FAM171A1: variants seen among roughly 807,000 people sequenced by gnomAD.
FAM171A1 encodes family with sequence similarity 171 member A1, also known as protein FAM171A1.
In FAM171A1, 23 loss-of-function variants were observed where a neutral mutation model predicts 74.9. The observed-to-expected ratio is 0.31, with a 90% CI of 0.22 to 0.44. FAM171A1 has a LOEUF of 0.44. Ranked by LOEUF, FAM171A1 falls within the 20% of genes least tolerant of loss-of-function variation. The probability of loss-of-function intolerance (pLI) is 1.00; values close to 1 mark genes in which losing one functional copy is unlikely to be tolerated. For missense variants in FAM171A1, 1,162 were observed against 1,159.2 expected (o/e 1.00, Z -0.03); for synonymous variants, 527 against 505.7 (o/e 1.04, Z -0.57).
rs540797837 is a variant in FAM171A1 at position 15,332,835 on chromosome 10, G to A, written c.97+38121C>T. Reference sequence around the variant, plus strand: ...TTCAGTGAATCTGTCTGAGAATGGCGAGGAAGGAAGAGCTCGGAATCCCTG... The same window carrying A: ...TTCAGTGAATCTGTCTGAGAATGGCAAGGAAGGAAGAGCTCGGAATCCCTG... On this transcript the variant is annotated intron_variant, in intron 1 of 7. Coordinates refer to ENST00000378116, the MANE Select transcript of FAM171A1 (RefSeq NM_001010924.2). Among the ~76,000 whole-genome samples the A allele has an allele frequency of 5.3e-5, 8 of 152,240 alleles. No homozygotes were observed. In the South Asian group the frequency reaches 1.2e-3, roughly 24 times the overall value.
chr10:15,321,351 C>T (rs569548685), intron 1 of FAM171A1, among the ~76,000 whole-genome samples: 4 of 152,274 alleles, frequency 2.6e-5, no homozygotes, highest in Middle Eastern at 3.4e-3. Context: ...GCTGTGTTCT[C>T]GTGTGGGCTG....
rs544877532 is a variant in FAM171A1 at position 15,362,912 on chromosome 10, T to C, written c.97+8044A>G. On this transcript the variant is annotated intron_variant, in intron 1 of 7. Transcript: ENST00000378116. ...TATTTTCCAATAGGATTGTAAACTT[T>C]CCGAGGTGAGAATTGCAAAATAATC... Among the ~76,000 whole-genome samples the C allele has an allele frequency of 2.6e-5, 4 of 152,340 alleles. No homozygotes were observed. In the East Asian group the frequency reaches 7.7e-4, roughly 29 times the overall value.
At chr10:15,320,200 A>T (rs1011570296) in intron 1 of FAM171A1, among the ~76,000 whole-genome samples, 2 of 152,080 alleles carry the variant, frequency 1.3e-5, no homozygotes, top group Non-Finnish European at 2.9e-5. Context: ...TTTAGCTCCC[A>T]CTTATAAGTG....
intron 5 of FAM171A1, 120 bp from the exon 6 acceptor site, chr10:15,221,180 C>T: frequency 1.4e-6 from 1 of 733,488 alleles, no homozygotes; most frequent in East Asian, 3.1e-5. Context: ...TATAAGATAA[C>T]CAAGATGGCC....
Position 15,213,826 on chromosome 10 carries a change from T to C in FAM171A1, c.1762A>G (p.Met588Val). Residue 588 changes from methionine to valine, a missense_variant, in exon 8 of 8, where the codon ATG becomes GTG. Met to Val is a conservative substitution (Grantham distance 21). Transcript: ENST00000378116. The surrounding 1 kb of genome is among the most constrained non-coding windows in gnomAD (Gnocchi z 6.8). ...LPALVIPAHYMKLPGDHSYVS... is the reference protein window; with the variant it reads ...LPALVIPAHYVKLPGDHSYVS... ...TAGGAGTGGTCCCCGGGGAGTTTCA[T>C]ATAATGAGCCGGGATGACCAAGGCA... 1.2e-6 allele frequency: 2 copies of C among 1,614,110 alleles called. No individual in the cohort carries two copies. The highest frequency in any genetic ancestry group is 1.7e-6 in the Non-Finnish European group (2 of 1,180,010).
chr10:15,243,748 C>T (rs1046298704), intron 5 of FAM171A1, among the ~76,000 whole-genome samples: 4 of 152,148 alleles, frequency 2.6e-5, no homozygotes, highest in African/African-American at 7.2e-5. Context: ...CCTTTTATAA[C>T]GTGTACATAT....
intron 1 of FAM171A1, among the ~76,000 whole-genome samples, chr10:15,288,769 TG>T (rs1330360986): frequency 6.6e-6 from 1 of 151,366 alleles, no homozygotes; most frequent in African/African-American, 2.4e-5. Flanking sequence ...GTTCTTCGCT[TG>T]GTATGATCAG....
chr10:15,254,310 C>A (rs567997575), intron 4 of FAM171A1, among the ~76,000 whole-genome samples: 4 of 152,096 alleles, frequency 2.6e-5, no homozygotes, highest in Admixed American at 2.6e-4. Flanking sequence ...CTCTACCAGC[C>A]CCACCCACCC....
chr10:15,217,715 G>A (rs900381886), intron 6 of FAM171A1, among the ~76,000 whole-genome samples: 49 of 150,544 alleles, frequency 3.3e-4, no homozygotes, highest in African/African-American at 1.1e-3. Flanking sequence ...TCAGCTCATT[G>A]TAACCTCTGC....
chr10:15,289,914 C>T (rs912145235), intron 1 of FAM171A1, among the ~76,000 whole-genome samples: 1 of 152,230 alleles, frequency 6.6e-6, no homozygotes, highest in African/African-American at 2.4e-5. Context: ...GGCTGCAAAG[C>T]CTGAACTCAC....
chr10:15,348,500 C>G (rs1462166094), intron 1 of FAM171A1, among the ~76,000 whole-genome samples: 1 of 152,148 alleles, frequency 6.6e-6, no homozygotes, highest in Non-Finnish European at 1.5e-5. Context: ...GCTTGTTTAC[C>G]TGTAGGCAGA....
intron 1 of FAM171A1, among the ~76,000 whole-genome samples, chr10:15,298,790 T>C (rs1361553980): frequency 6.6e-6 from 1 of 152,202 alleles, no homozygotes; most frequent in Non-Finnish European, 1.5e-5. Context: ...CTGAGCTTCA[T>C]ACAATACCCT....
chr10:15,351,247 C>A (rs999756139), intron 1 of FAM171A1, among the ~76,000 whole-genome samples: 2 of 152,206 alleles, frequency 1.3e-5, no homozygotes, highest in Non-Finnish European at 2.9e-5. Context: ...AGCCCAGGAA[C>A]TGGGTGGCCC....
intron 1 of FAM171A1, among the ~76,000 whole-genome samples, chr10:15,287,564 T>A (rs903047474): frequency 6.6e-6 from 1 of 152,012 alleles, no homozygotes; most frequent in African/African-American, 2.4e-5. Flanking sequence ...ATTTTTGTAT[T>A]TTTAGTAGAG....
chr10:15,306,660 C>T (rs1424721291), intron 1 of FAM171A1, among the ~76,000 whole-genome samples: 1 of 152,206 alleles, frequency 6.6e-6, no homozygotes, highest in African/African-American at 2.4e-5. Context: ...GCCACTGAGC[C>T]TGGCATAGCC....
intron 1 of FAM171A1, among the ~76,000 whole-genome samples, chr10:15,306,575 A>C (rs1183961565): frequency 6.6e-6 from 1 of 152,158 alleles, no homozygotes; most frequent in East Asian, 1.9e-4. Flanking sequence ...CATGTTGGCC[A>C]GGCTGGTCTC....
At position 15,369,213 on chromosome 10, in the gene FAM171A1, AAT is replaced by A. The variant is rs71505070; in HGVS notation, c.97+1741_97+1742del. 5.3e-3 allele frequency among the ~76,000 whole-genome samples: 773 copies of A among 145,544 alleles called. 10 individuals are homozygous for A. The highest frequency in any genetic ancestry group is 0.016 in the African/African-American group (649 of 39,896). ...ACCTAAACCTGTTATATATATATTG[AAT>A]ATATATATATATATATATTGAAGAC... On this transcript the variant is annotated intron_variant, in intron 1 of 7. Transcript: ENST00000378116.
At chr10:15,312,883 A>G (rs1835380972) in intron 1 of FAM171A1, among the ~76,000 whole-genome samples, 1 of 151,158 alleles carries the variant, frequency 6.6e-6, no homozygotes, top group South Asian at 2.1e-4. Context: ...TTTAGTAGAG[A>G]TGGGTTTCAC....
intron 1 of FAM171A1, among the ~76,000 whole-genome samples, chr10:15,336,446 G>C (rs557952844): frequency 6.6e-6 from 1 of 152,136 alleles, no homozygotes; most frequent in South Asian, 2.1e-4. Context: ...CGGGGCTGTG[G>C]TGTTTGTAAG....
Sources: allele counts gnomAD v4.1 joint callset (sites outside exome capture counted in the v4.1 genomes callset), GRCh38; gene constraint gnomAD v4.1.1; non-coding constraint Gnocchi (gnomAD v3.1); transcripts MANE v1.5; gene names NCBI Gene and HGNC (gene_info 2026-07-23, HGNC 2026-07-21).